ARHGEF25: variants seen among roughly 807,000 people sequenced by gnomAD.
The protein encoded by ARHGEF25 is Rho guanine nucleotide exchange factor 25.
ARHGEF25 carries 42 observed loss-of-function variants against 74.0 expected under a neutral mutation model. The ratio of observed to expected loss-of-function variants is 0.57; its 90% CI spans 0.44 to 0.73. The LOEUF is 0.73. Ranked by LOEUF, ARHGEF25 falls within the 30% of genes least tolerant of loss-of-function variation. The pLI is 0.00. For missense variants in ARHGEF25, 645 were observed against 725.5 expected, an observed-to-expected ratio of 0.89 and a Z score of 1.27; for synonymous variants, 293 against 278.6, an observed-to-expected ratio of 1.05 and a Z score of -0.51.
In ARHGEF25 at chr12:57,616,350, G is replaced by A; in HGVS notation, c.1487G>A (p.Gly496Glu). The A allele has an allele frequency of 6.2e-7, 1 of 1,614,030 alleles. No individual in the cohort carries two copies. Among genetic ancestry groups the A allele is most frequent in the Non-Finnish European group, 8.5e-7 (1 of 1,179,992 alleles). ...SQTNSLGRPRGPGVGSPGRIQ... is the reference protein window; with the variant it reads ...SQTNSLGRPREPGVGSPGRIQ... ...ACCAACAGCCTGGGGCGGCCAAGAG[G>A]GCCTGGAGTGGGGAGCCCTGGAAGA... The change falls in exon 14 of 15, where the codon GGG becomes GAG. Residue 496 changes from glycine to glutamate, a missense_variant. Gly to Glu is a moderately conservative substitution (Grantham distance 98). This residue lies in a region of ARHGEF25 where 262 missense variants were observed against 256.9 expected (regional missense o/e 1.02). Coordinates refer to ENST00000286494, the MANE Select transcript of ARHGEF25 (RefSeq NM_182947.4).
Position 57,616,376 on chromosome 12 carries a change from ATT to A in ARHGEF25, c.1514_1515del (p.Ile505ThrfsTer38), listed in dbSNP as rs1884288083. 2 of 1,613,960 alleles carry A rather than the reference ATT, an allele frequency of 1.2e-6. No homozygotes were observed. Among genetic ancestry groups the A allele is most frequent in the Non-Finnish European group, 1.7e-6 (2 of 1,179,984 alleles). On this transcript the variant is annotated frameshift_variant, in exon 14 of 15. Coordinates refer to ENST00000286494, the MANE Select transcript of ARHGEF25 (RefSeq NM_182947.4). LOFTEE classifies it high-confidence loss of function. ...RGPGVGSPGRIQLGDQAQGST... is the reference protein window; with the variant it reads ...RGPGVGSPGRXQLGDQAQGST... The stretch of plus-strand genomic sequence containing the variant: ...GCCTGGAGTGGGGAGCCCTGGAAGA[ATT>A]CAGCTTGGAGATCAGGCCCAGGGCA...
At chr12:57,610,417 C>T, upstream of ARHGEF25, 1 of 1,086,136 alleles carries the variant, frequency 9.2e-7, no homozygotes, top group Non-Finnish European at 1.3e-6. Context: ...GCGGGGCAGT[C>T]GCAGGAATAC....
rs1434051749 is a variant in ARHGEF25 at position 57,611,821 on chromosome 12, C to T, written c.-74C>T. 3.3e-5 allele frequency: 39 copies of T among 1,179,486 alleles called. No individual in the cohort carries two copies. The highest frequency in any genetic ancestry group is 4.3e-5 in the South Asian group (1 of 23,184). The allele number at this position is 1,179,486 out of a possible 1,614,324, so 73.1% of individuals were successfully genotyped here. A position where few individuals can be genotyped will look rare whatever the true frequency, so the allele number is the denominator to read the frequency against. On this transcript the variant is annotated 5_prime_UTR_variant, in exon 1 of 15. Coordinates refer to ENST00000286494, the MANE Select transcript of ARHGEF25 (RefSeq NM_182947.4). The surrounding 1 kb of genome is among the most constrained non-coding windows in gnomAD (Gnocchi z 4.5). ...GGGAGGGGGGGTGTGCGCCCGGCGC[C>T]GTCCCCGCCCCGCCCCCCGTGATTC...
rs374323837 is a variant in ARHGEF25, at chr12:57,613,421, G to C, written c.409-19G>C. On this transcript the variant is annotated intron_variant, in intron 3 of 14. Coordinates refer to ENST00000286494, the MANE Select transcript of ARHGEF25 (RefSeq NM_182947.4). Reference sequence around the variant, plus strand: ...AAGGGGCATTCGTTTGCTCACCCTAGGATGTTCTTTCCTTCCAGCCACCTG... The same window carrying C: ...AAGGGGCATTCGTTTGCTCACCCTACGATGTTCTTTCCTTCCAGCCACCTG... The C allele has an allele frequency of 6.4e-5, 104 of 1,613,936 alleles. No individual in the cohort carries two copies. Among genetic ancestry groups the C allele is most frequent in the Non-Finnish European group, 8.4e-5 (99 of 1,179,974 alleles).
At position 57,611,877 on chromosome 12, in the gene ARHGEF25, CG is replaced by C. The variant is rs758564825; in HGVS notation, c.-11del. The C allele has an allele frequency of 5.1e-5, 58 of 1,127,654 alleles. No homozygotes were observed. Among genetic ancestry groups the C allele is most frequent in the East Asian group, 7.0e-5 (2 of 28,596 alleles). The allele number at this position is 1,127,654 out of a possible 1,614,324, so 69.9% of individuals were successfully genotyped here. On this transcript the variant is annotated 5_prime_UTR_variant, in exon 1 of 15. Transcript: ENST00000286494. The surrounding 1 kb of genome is among the most constrained non-coding windows in gnomAD (Gnocchi z 4.5). ...GCATGGCCGGCCCGGGTGGGGGGCGCGGGGGGGCCCGGGCGCCATGCGGGGG... is the reference window on the plus strand; with the variant it reads ...GCATGGCCGGCCCGGGTGGGGGGCGCGGGGGGCCCGGGCGCCATGCGGGGG...
Position 57,614,707 on chromosome 12 carries a change from G to C in ARHGEF25, c.835G>C (p.Gly279Arg). The C allele has an allele frequency of 6.2e-7, 1 of 1,613,564 alleles. No homozygotes were observed. Among genetic ancestry groups the C allele is most frequent in the Non-Finnish European group, 8.5e-7 (1 of 1,179,888 alleles). Residue 279 changes from glycine (G) to arginine (R), a missense_variant, in exon 9 of 15, where the codon GGG becomes CGG. Coordinates refer to ENST00000286494, the MANE Select transcript of ARHGEF25 (RefSeq NM_182947.4). This position sits in a 1 kb window ranked among gnomAD's most constrained non-coding sequence, Gnocchi z 4.6. ...TCCCCAGGAGCTCCGGCAGCAGCTGGGGCACCGCCTGCAGCTGAACGACCT... is the reference window on the plus strand; with the variant it reads ...TCCCCAGGAGCTCCGGCAGCAGCTGCGGCACCGCCTGCAGCTGAACGACCT... ...SYFEELRQQL[G>R]HRLQLNDLLI...
At position 57,611,989 on chromosome 12, in the gene ARHGEF25, G is replaced by A. The variant is rs1237013003; in HGVS notation, c.95G>A (p.Arg32His). 2 of 1,312,812 alleles carry A rather than the reference G, an allele frequency of 1.5e-6. No homozygotes were observed. Among genetic ancestry groups the A allele is most frequent in the Non-Finnish European group, 9.8e-7 (1 of 1,023,136 alleles). The allele number at this position is 1,312,812 out of a possible 1,614,324, so 81.3% of individuals were successfully genotyped here. A position where few individuals can be genotyped will look rare whatever the true frequency, so the allele number is the denominator to read the frequency against. ...KCGCCFARGG[R>H]ESYSIAGSEG... ...GGCTGCTGCTTCGCCCGGGGGGGAC[G>A]TGGTGAGTGCCAGGTCGAGAGGGTC... Residue 32 changes from arginine (R) to histidine (H), a missense_variant and splice_region_variant, in exon 1 of 15, where the codon CGT becomes CAT. Transcript: ENST00000286494. The surrounding 1 kb of genome is among the most constrained non-coding windows in gnomAD (Gnocchi z 4.5).
intron 1 of ARHGEF25, 175 bp downstream of exon 1, chr12:57,612,166 AG>A: frequency 2.4e-6 from 1 of 416,990 alleles, no homozygotes; most frequent in Non-Finnish European, 4.0e-6. Context: ...TGTTAGTTCA[AG>A]TTAAGGAAAT....
rs371847532 is a variant in ARHGEF25 at position 57,615,215 on chromosome 12, G to A, written c.961-22G>A. 2.7e-5 allele frequency: 42 copies of A among 1,578,872 alleles called. No individual in the cohort carries two copies. In the African/African-American group the frequency reaches 3.1e-4, roughly 12 times the overall value. On this transcript the variant is annotated intron_variant, in intron 10 of 14. Coordinates refer to ENST00000286494, the MANE Select transcript of ARHGEF25 (RefSeq NM_182947.4). ...AATGACTCTCTTCGCCCAACAATGC[G>A]CCTCCCTCACCTGTGTCCCAGCAAG... is the stretch of plus-strand genomic sequence containing the variant.
chr12:57,610,431 A>C, upstream of ARHGEF25: 2 of 1,079,402 alleles, frequency 1.9e-6, no homozygotes, highest in Non-Finnish European at 2.6e-6. Flanking sequence ...GGAATACATG[A>C]ATTCTATTAC....
At position 57,613,359 on chromosome 12, in the gene ARHGEF25, G is replaced by A; in HGVS notation, c.408G>A (p.Gln136=). ...TLLEGPGDKT[Q]PPEEETLSQA... ...TGGAGGGCCCTGGAGATAAGACGCA[G>A]GTGTGAGGACAGGCTCTGGGGAGGC... The change falls in exon 3 of 15, where the codon CAG becomes CAA. Residue 136 remains glutamine, a splice_region_variant and synonymous_variant. Transcript: ENST00000286494. The A allele has an allele frequency of 6.2e-7, 1 of 1,614,232 alleles. No individual in the cohort carries two copies. Among genetic ancestry groups the A allele is most frequent in the Non-Finnish European group, 8.5e-7 (1 of 1,180,036 alleles).
At chr12:57,613,650 A>C in intron 4 of ARHGEF25, 44 bp from the exon 5 acceptor site, 1 of 1,612,482 alleles carries the variant, frequency 6.2e-7, no homozygotes, top group Non-Finnish European at 8.5e-7. Flanking sequence ...ACCAAGGATG[A>C]GCTCCGACGC....
Position 57,616,454 on chromosome 12 carries a change from AAAGGGGAGGTGGCC to A in ARHGEF25, c.1593_1606del (p.Gly532SerfsTer7), listed in dbSNP as rs749652137. 6 of 1,614,134 alleles carry A rather than the reference AAAGGGGAGGTGGCC, an allele frequency of 3.7e-6. No individual in the cohort carries two copies. The East Asian group carries it at 1.3e-4, about 36-fold the overall frequency. The stretch of plus-strand genomic sequence containing the variant: ...TCTCCCCTCTCTGCTGCTGTCACCC[AAAGGGGAGGTGGCC>A]AGAGCCCTCTTGCCACTGGATAAAC... On this transcript the variant is annotated frameshift_variant, in exon 14 of 15. Transcript: ENST00000286494. LOFTEE classifies it high-confidence loss of function.
chr12:57,612,867 T>A, intron 1 of ARHGEF25, 63 bp from the exon 2 acceptor site: 1 of 1,569,558 alleles, frequency 6.4e-7, no homozygotes. Flanking sequence ...GGGAGTTCCC[T>A]GGGGACCCTG....
chr12:57,615,185 C>T, intron 10 of ARHGEF25, 52 bp from the exon 11 acceptor site: 1 of 1,564,860 alleles, frequency 6.4e-7, no homozygotes, highest in Non-Finnish European at 8.6e-7. Flanking sequence ...GGCCTCTTTC[C>T]CAATAATGAC....
Position 57,612,955 on chromosome 12 carries a change from G to A in ARHGEF25, c.123G>A (p.Glu41=), listed in dbSNP as rs371577552. ...AATCCTATTCCATTGCGGGCAGTGA[G>A]GGGAGTATATCGGCTTCTGCTGCCT... ...GRESYSIAGS[E]GSISASAASG... is the part of the protein sequence containing the mutation. The change falls in exon 2 of 15, where the codon GAG becomes GAA. Residue 41 remains glutamate (E), a synonymous_variant. Coordinates refer to ENST00000286494, the MANE Select transcript of ARHGEF25 (RefSeq NM_182947.4). The A allele has an allele frequency of 5.4e-5, 87 of 1,614,038 alleles. No individual in the cohort carries two copies. In the African/African-American group the frequency reaches 1.1e-3, roughly 20 times the overall value.
chr12:57,610,275 G>C (rs200047743), upstream of ARHGEF25: 684 of 1,589,774 alleles, frequency 4.3e-4, 3 homozygotes, highest in African/African-American at 8.5e-3. Context: ...GGGGTCATGG[G>C]GGGCATGCTG....
rs375392703 is a variant in ARHGEF25, at chr12:57,613,169, A to G, written c.312+25A>G. 4 of 1,611,100 alleles carry G rather than the reference A, an allele frequency of 2.5e-6. No individual in the cohort carries two copies. In the African/African-American group the frequency reaches 5.3e-5, roughly 22 times the overall value. On this transcript the variant is annotated intron_variant, in intron 2 of 14. Coordinates refer to ENST00000286494, the MANE Select transcript of ARHGEF25 (RefSeq NM_182947.4). ...GGTGAGCAGGGAACGGCACCAAAGC[A>G]TGTGGGACATCTATGAAGGACACTG...
upstream of ARHGEF25, chr12:57,610,571 C>A (rs1278071526): frequency 6.8e-6 from 11 of 1,608,784 alleles, no homozygotes; most frequent in Non-Finnish European, 9.3e-6. Flanking sequence ...TCCCCGCAGC[C>A]CCCAAGGAGA....
Sources: gnomAD v4.1 joint callset for allele counts on GRCh38, gnomAD v4.1.1 for gene constraint, gnomAD v4.1.1 regional missense constraint, Gnocchi (gnomAD v3.1) non-coding constraint, MANE v1.5 for transcripts, NCBI Gene and HGNC (gene_info 2026-07-23, HGNC 2026-07-21) for gene names.